The following PCDHGB2 variants were observed in gnomAD, a reference collection of about 807,000 sequenced individuals.
PCDHGB2 encodes protocadherin gamma-B2.
A neutral mutation model predicts 59.3 loss-of-function variants in PCDHGB2; 55 were observed. That is an observed-to-expected ratio of 0.93 (90% CI 0.75 to 1.16). PCDHGB2 has a LOEUF of 1.16. Among genes scored for constraint, PCDHGB2 ranks in the 50% most tolerant of loss-of-function variants. PCDHGB2 has a pLI of 0.00. For synonymous variants in PCDHGB2, 516 were observed against 512.0 expected, an observed-to-expected ratio of 1.01 and a Z score of -0.11; for missense variants, 1,228 against 1,198.5, an observed-to-expected ratio of 1.02 and a Z score of -0.36.
Position 141,477,304 on chromosome 5 carries a change from T to C in PCDHGB2, c.2422-17503T>C. The C allele has an allele frequency of 6.2e-7, 1 of 1,614,160 alleles. No individual in the cohort carries two copies. Among genetic ancestry groups the C allele is most frequent in the Non-Finnish European group, 8.5e-7 (1 of 1,180,030 alleles). ...CCTGCGAAGTTCCACCGGGTCTCCCTTTCAGCCTTACTTCTTCCCTCAAGA... is the reference window on the plus strand; with the variant it reads ...CCTGCGAAGTTCCACCGGGTCTCCCCTTCAGCCTTACTTCTTCCCTCAAGA... On this transcript the variant is annotated intron_variant, in intron 1 of 3. Transcript: ENST00000522605. This position sits in a 1 kb window ranked among gnomAD's most constrained non-coding sequence, Gnocchi z 4.9.
intron 1 of PCDHGB2, among the ~76,000 whole-genome samples, chr5:141,425,869 C>T (rs1376765137): frequency 2.0e-5 from 3 of 152,198 alleles, no homozygotes. Context: ...TATAGATTCC[C>T]ATCTCTAAGG....
intron 1 of PCDHGB2, among the ~76,000 whole-genome samples, chr5:141,460,987 ATATATATATGTG>A (rs2099005819): frequency 1.1e-5 from 1 of 92,944 alleles, no homozygotes; most frequent in Admixed American, 9.9e-5. Flanking sequence ...GTGTGTGTAT[ATATATATATGTG>A]TATATATATA....
At chr5:141,400,802 A>C in intron 1 of PCDHGB2, 1 of 557,534 alleles carries the variant, frequency 1.8e-6, no homozygotes, top group Non-Finnish European at 3.1e-6. Context: ...TCTCAAAGCT[A>C]ATGAATTTTA....
chr5:141,393,348 T>C (rs754496387), intron 1 of PCDHGB2: 16 of 1,613,730 alleles, frequency 9.9e-6, no homozygotes, highest in Non-Finnish European at 1.4e-5. Context: ...TCACCACTTC[T>C]CCCTGGACGT....
At position 141,431,612 on chromosome 5, in the gene PCDHGB2, G is replaced by A. The variant is rs79883194; in HGVS notation, c.2422-63195G>A. 1.9e-6 allele frequency: 3 copies of A among 1,614,126 alleles called. No homozygotes were observed. The highest frequency in any genetic ancestry group is 2.5e-6 in the Non-Finnish European group (3 of 1,180,052). ...AGTGAGGTATTCCTTCCGGTATGTG[G>A]ACGACAAGGCGGCCCAAGTTTTCAA... On this transcript the variant is annotated intron_variant, in intron 1 of 3. Coordinates refer to ENST00000522605, the MANE Select transcript of PCDHGB2 (RefSeq NM_018923.3). This position sits in a 1 kb window ranked among gnomAD's most constrained non-coding sequence, Gnocchi z 4.8.
intron 1 of PCDHGB2, chr5:141,428,257 G>T: frequency 1.2e-6 from 1 of 865,866 alleles, no homozygotes; most frequent in South Asian, 1.4e-5. Context: ...AGACTTCAGT[G>T]ACAGTCCTGT....
chr5:141,374,636 G>A, intron 1 of PCDHGB2: 1 of 1,612,960 alleles, frequency 6.2e-7, no homozygotes, highest in Non-Finnish European at 8.5e-7. Flanking sequence ...CGTGCAAAGC[G>A]AAGCCCATGG....
At position 141,408,387 on chromosome 5, in the gene PCDHGB2, C is replaced by T. The variant is rs774250271; in HGVS notation, c.2421+45831C>T. Reference sequence around the variant, plus strand: ...CTAGGGCTCAGTGTCCTGGATGTGTCGGCTCGCAAGCTGCGAGTGAGCGCG... The same window carrying T: ...CTAGGGCTCAGTGTCCTGGATGTGTTGGCTCGCAAGCTGCGAGTGAGCGCG... On this transcript the variant is annotated intron_variant, in intron 1 of 3. Transcript: ENST00000522605. 1.2e-5 allele frequency: 20 copies of T among 1,613,890 alleles called. No homozygotes were observed. Among genetic ancestry groups the T allele is most frequent in the Non-Finnish European group, 1.6e-5 (19 of 1,179,880 alleles).
At chr5:141,385,227 A>G (rs781548290) in intron 1 of PCDHGB2, 1 of 1,614,220 alleles carries the variant, frequency 6.2e-7, no homozygotes, top group South Asian at 1.1e-5. Context: ...CCAACTATGT[A>G]GACATGCTCA....
At chr5:141,372,218 T>C in intron 1 of PCDHGB2, 1 of 1,613,544 alleles carries the variant, frequency 6.2e-7, no homozygotes, top group Non-Finnish European at 8.5e-7. Flanking sequence ...CCTACCACAT[T>C]GTGCAGGCCA....
At chr5:141,373,930 A>G in intron 1 of PCDHGB2, 1 of 675,978 alleles carries the variant, frequency 1.5e-6, no homozygotes, top group Non-Finnish European at 2.3e-6. Context: ...TAGACGGGAA[A>G]GCAGGAAAGC....
intron 1 of PCDHGB2, chr5:141,409,000 C>CACTG: frequency 6.2e-7 from 1 of 1,613,950 alleles, no homozygotes; most frequent in Non-Finnish European, 8.5e-7. Flanking sequence ...AAGTGACAGC[C>CACTG]ACTGACCAGG....
chr5:141,360,763 T>C lies in PCDHGB2; in HGVS notation c.628T>C (p.Leu210=), dbSNP rs760803467. The change falls in exon 1 of 4, where the codon TTG becomes CTG. Residue 210 remains leucine, a synonymous_variant. Transcript: ENST00000522605. The part of the protein sequence containing the change: ...LDREEHSLHQ[L]VLTAVDGGDP... ...CAGAGAAGAGCACAGTTTACATCAA[T>C]TGGTCCTCACAGCTGTGGATGGCGG... 5.6e-6 allele frequency: 9 copies of C among 1,613,954 alleles called. No individual in the cohort carries two copies. In the South Asian group the frequency reaches 6.6e-5, roughly 12 times the overall value.
intron 1 of PCDHGB2, chr5:141,371,406 T>C: frequency 6.2e-7 from 1 of 1,613,960 alleles, no homozygotes; most frequent in Non-Finnish European, 8.5e-7. Flanking sequence ...GATAGATATT[T>C]CAGATGAAAA....
intron 1 of PCDHGB2, chr5:141,407,886 A>G (rs1390921977): frequency 2.6e-6 from 1 of 384,594 alleles, no homozygotes; most frequent in Non-Finnish European, 4.6e-6. Context: ...CATTTCGGAG[A>G]CCGAATTCAA....
chr5:141,367,752 C>G (rs1039897453), intron 1 of PCDHGB2: 1 of 152,068 alleles, frequency 6.6e-6, no homozygotes, highest in African/African-American at 2.4e-5. Context: ...GAGTTACATA[C>G]TGCTGCACTC....
At chr5:141,462,474 C>T (rs2099040477) in intron 1 of PCDHGB2, among the ~76,000 whole-genome samples, 1 of 151,994 alleles carries the variant, frequency 6.6e-6, no homozygotes, top group South Asian at 2.1e-4. Flanking sequence ...TATTCTGCTT[C>T]TCGTGGTTGT....
In PCDHGB2 at chr5:141,487,737, T is replaced by G. The variant is rs1019622307; in HGVS notation, c.2422-7070T>G. 1 of 1,563,758 alleles carries G rather than the reference T, an allele frequency of 6.4e-7. No homozygotes were observed. The highest frequency in any genetic ancestry group is 8.7e-7 in the Non-Finnish European group (1 of 1,152,772). On this transcript the variant is annotated intron_variant, in intron 1 of 3. Transcript: ENST00000522605. This position sits in a 1 kb window ranked among gnomAD's most constrained non-coding sequence, Gnocchi z 5.0. ...GCCCATAGTGATGTCACCATTTTTG[T>G]AAGAGGTAACTATGTGGTAGACGCT...
chr5:141,455,822 CCCCTTTTCCTGT>C (rs2098832641), intron 1 of PCDHGB2, among the ~76,000 whole-genome samples: 2 of 151,688 alleles, frequency 1.3e-5, no homozygotes, highest in African/African-American at 4.8e-5. Flanking sequence ...TTCCCAAGGA[CCCCTTTTCCTGT>C]CTATCTGCAT....
Sources: gnomAD v4.1 joint callset for allele counts (sites outside exome capture counted in the v4.1 genomes callset) on GRCh38, gnomAD v4.1.1 for gene constraint, Gnocchi (gnomAD v3.1) non-coding constraint, MANE v1.5 for transcripts, NCBI Gene and HGNC (gene_info 2026-07-23, HGNC 2026-07-21) for gene names.